The following PAG1 variants were observed in gnomAD, a reference collection of about 807,000 sequenced individuals.
PAG1 encodes phosphoprotein associated with glycosphingolipid-enriched microdomains 1.
In PAG1, 23 loss-of-function variants were observed where a neutral mutation model predicts 31.7. That is an observed-to-expected ratio of 0.73 (90% confidence interval 0.52 to 1.03). The LOEUF (loss-of-function observed/expected upper bound fraction) is 1.03, where lower values mean the gene tolerates loss of function less well. Among genes scored for constraint, PAG1 ranks in the 50% least tolerant of loss-of-function variants. The pLI is 0.00. For synonymous variants in PAG1, 214 were observed against 210.3 expected (o/e 1.02, Z -0.15); for missense variants, 473 against 540.7 (o/e 0.87, Z 1.24).
intron 3 of PAG1, among the ~76,000 whole-genome samples, chr8:81,020,832 T>G (rs909760091): frequency 5.9e-5 from 9 of 152,228 alleles, no homozygotes; most frequent in African/African-American, 1.4e-4. Context: ...ATGCCAAAAT[T>G]TCATCCTTAA....
Position 80,973,887 on chromosome 8 carries a change from T to C in PAG1, c.*2657A>G, listed in dbSNP as rs1244581737. ...GCTGAGCCATCTTTCTAAGGTTCAC[T>C]CTGCTTCTCTCCCCCAGCCCTCATG... On this transcript the variant is annotated 3_prime_UTR_variant, in exon 9 of 9. Coordinates refer to ENST00000220597, the MANE Select transcript of PAG1 (RefSeq NM_018440.4). The C allele has an allele frequency of 6.6e-6, 1 of 152,250 alleles. No individual in the cohort carries two copies. The highest frequency in any genetic ancestry group is 6.5e-5 in the Admixed American group (1 of 15,282). 9.4% of individuals were successfully genotyped at this position (152,250 alleles called of 1,614,324 possible).
intron 1 of PAG1, among the ~76,000 whole-genome samples, chr8:81,095,135 A>C (rs16908579): frequency 0.16 from 25,010 of 152,142 alleles, 4,917 homozygotes; most frequent in African/African-American, 0.47. Context: ...AGGACCAGGT[A>C]CACAAGTTGG....
At chr8:80,977,086 C>T (rs532182508) in intron 8 of PAG1, among the ~76,000 whole-genome samples, 180 bp from the exon 9 acceptor site, 74 of 152,294 alleles carry the variant, frequency 4.9e-4, no homozygotes, top group African/African-American at 1.6e-3. Flanking sequence ...CACACACTAT[C>T]TTCAACTATG....
intron 7 of PAG1, among the ~76,000 whole-genome samples, chr8:80,981,419 G>A (rs1434014837): frequency 2.0e-5 from 3 of 151,876 alleles, no homozygotes; most frequent in African/African-American, 4.8e-5. Flanking sequence ...AAGCCGCTCC[G>A]TATCATCCGA....
chr8:81,084,981 C>T (rs1483237392), intron 1 of PAG1, among the ~76,000 whole-genome samples: 1 of 152,078 alleles, frequency 6.6e-6, no homozygotes. Flanking sequence ...GAGAAAGTAT[C>T]AGAGTCAAAT....
chr8:80,993,969 T>C (rs1387832554), intron 3 of PAG1, among the ~76,000 whole-genome samples: 1 of 151,758 alleles, frequency 6.6e-6, no homozygotes, highest in Non-Finnish European at 1.5e-5. Flanking sequence ...TCCATGCTCA[T>C]TTAGGTTCAT....
intron 1 of PAG1, among the ~76,000 whole-genome samples, chr8:81,087,633 A>G (rs1312193069): frequency 6.6e-6 from 1 of 152,258 alleles, no homozygotes; most frequent in Admixed American, 6.5e-5. Context: ...CTGTAATCTC[A>G]ATAATAACTG....
intron 3 of PAG1, among the ~76,000 whole-genome samples, chr8:81,012,144 C>T (rs1216290724): frequency 2.0e-5 from 3 of 152,138 alleles, no homozygotes; most frequent in Non-Finnish European, 4.4e-5. Flanking sequence ...TCATTATAGC[C>T]TGGGATCTTT....
intron 1 of PAG1, among the ~76,000 whole-genome samples, chr8:81,091,822 AAAG>A (rs138634354): frequency 0.14 from 20,857 of 149,260 alleles, 4,232 homozygotes; most frequent in African/African-American, 0.46. Context: ...CAGGATGAAG[AAAG>A]AAGAAGAAGA....
At chr8:81,027,867 T>C (rs899650808) in intron 3 of PAG1, among the ~76,000 whole-genome samples, 1 of 137,090 alleles carries the variant, frequency 7.3e-6, no homozygotes, top group African/African-American at 2.9e-5. Flanking sequence ...ATCACGCCAC[T>C]GCACTCCAGC....
intron 8 of PAG1, among the ~76,000 whole-genome samples, chr8:80,977,373 G>A (rs1206851211): frequency 6.6e-6 from 1 of 152,328 alleles, no homozygotes; most frequent in East Asian, 1.9e-4. Flanking sequence ...TGTCAGAAAG[G>A]CAAGTTCTCA....
At position 80,976,591 on chromosome 8, in the gene PAG1, C is replaced by T. The variant is rs754126341; in HGVS notation, c.1252G>A (p.Glu418Lys). ...CCTTGCTGCAAGTCACTTATGCTCT[C>T]GTAGTCGTTCTCCTTTGGGACGAGA... The part of the protein sequence containing the change: ...HGLVPKENDY[E>K]SISDLQQGRD... Residue 418 changes from glutamate to lysine, a missense_variant, in exon 9 of 9, where the codon GAG becomes AAG. Glu to Lys is a moderately conservative substitution (Grantham distance 56). Coordinates refer to ENST00000220597, the MANE Select transcript of PAG1 (RefSeq NM_018440.4). 4.3e-6 allele frequency: 7 copies of T among 1,613,852 alleles called. No homozygotes were observed. The highest frequency in any genetic ancestry group is 1.1e-5 in the South Asian group (1 of 91,062).
At chr8:81,090,845 C>A (rs1261013171) in intron 1 of PAG1, among the ~76,000 whole-genome samples, 1 of 152,154 alleles carries the variant, frequency 6.6e-6, no homozygotes, top group Admixed American at 6.5e-5. Context: ...AGACTCTATG[C>A]CACATTAAGG....
chr8:81,070,653 A>AG (rs1809077269), intron 1 of PAG1, among the ~76,000 whole-genome samples: 1 of 145,824 alleles, frequency 6.9e-6, no homozygotes, highest in African/African-American at 2.5e-5. Context: ...AAGTCTTTTC[A>AG]GCACAAAAAA....
chr8:81,036,815 T>C (rs895703608), intron 2 of PAG1: 1 of 152,246 alleles, frequency 6.6e-6, no homozygotes, highest in Admixed American at 6.5e-5. Flanking sequence ...ACTTTCAGCC[T>C]TTCTGGTATT....
At position 81,088,113 on chromosome 8, in the gene PAG1, CTTCT is replaced by C. The variant is rs536457189; in HGVS notation, c.-233-17947_-233-17944del. 4.2e-3 allele frequency among the ~76,000 whole-genome samples: 646 copies of C among 152,224 alleles called. 3 individuals carry two copies. The highest frequency in any genetic ancestry group is 0.031 in the Middle Eastern group (9 of 294). On this transcript the variant is annotated intron_variant, in intron 1 of 8. Coordinates refer to ENST00000220597, the MANE Select transcript of PAG1 (RefSeq NM_018440.4). Reference sequence around the variant, plus strand: ...CAAGAGAGCTTTGGGTCTGGGTGTGCTTCTTTAATTATGTATTATTTACCTCCCA... The same window carrying C: ...CAAGAGAGCTTTGGGTCTGGGTGTGCTTAATTATGTATTATTTACCTCCCA...
chr8:81,018,116 T>C (rs1407249027), intron 3 of PAG1, among the ~76,000 whole-genome samples: 2 of 152,164 alleles, frequency 1.3e-5, no homozygotes, highest in Non-Finnish European at 1.5e-5. Context: ...TCGACAAGCA[T>C]AATATGAACA....
intron 1 of PAG1, among the ~76,000 whole-genome samples, chr8:81,097,519 A>T (rs1303426815): frequency 1.3e-5 from 2 of 152,118 alleles, no homozygotes; most frequent in Non-Finnish European, 2.9e-5. Context: ...AGGCTGTAAG[A>T]CTTGTGAGAA....
At chr8:81,003,619 C>T (rs115521775) in intron 3 of PAG1, among the ~76,000 whole-genome samples, 1,683 of 152,236 alleles carry the variant, frequency 0.011, 30 homozygotes, top group African/African-American at 0.039. Context: ...TGCTGTGTGG[C>T]CTGAAGCGAG....
Sources: gnomAD v4.1 joint callset for allele counts (sites outside exome capture counted in the v4.1 genomes callset) on GRCh38, gnomAD v4.1.1 for gene constraint, MANE v1.5 for transcripts, NCBI Gene and HGNC (gene_info 2026-07-23, HGNC 2026-07-21) for gene names.